PLEC: variants seen among roughly 807,000 people sequenced by gnomAD.
PLEC encodes plectin.
Under a neutral mutation model 392.8 loss-of-function variants are expected in PLEC, and 216 were observed. The observed-to-expected ratio is 0.55, with a 90% CI of 0.49 to 0.62. The LOEUF (loss-of-function observed/expected upper bound fraction) is 0.62. Among genes scored for constraint, PLEC ranks in the 20% least tolerant of loss-of-function variants. The pLI, the probability that PLEC is intolerant of heterozygous loss-of-function variation, is 0.00. For synonymous variants in PLEC, 3,621 were observed against 2,980.6 expected, an observed-to-expected ratio of 1.21 and a Z score of -7.00; for missense variants, 6,863 against 6,563.4, an observed-to-expected ratio of 1.05 and a Z score of -1.58.
intron 3 of PLEC, chr8:143,937,900 C>T (rs1829476849): frequency 9.4e-6 from 6 of 638,194 alleles, no homozygotes; most frequent in East Asian, 2.9e-5. Context: ...ACGCGGAGGG[C>T]GGCAAGGCCC....
upstream of PLEC, chr8:143,954,001 G>A: frequency 9.0e-7 from 1 of 1,111,512 alleles, no homozygotes; most frequent in Middle Eastern, 3.2e-4. This position sits in a 1 kb window ranked among gnomAD's most constrained non-coding sequence, Gnocchi z 4.6. Context: ...TCTGGGGCAC[G>A]CGACCCCGCT....
upstream of PLEC, chr8:143,953,979 C>CA: frequency 7.8e-7 from 1 of 1,280,316 alleles, no homozygotes; most frequent in Non-Finnish European, 1.0e-6. Context: ...CCCCTCCCCC[C>CA]CAGCCTGTGG....
intron 1 of PLEC, among the ~76,000 whole-genome samples, chr8:143,970,364 G>A (rs551451543): frequency 3.3e-5 from 5 of 152,152 alleles, no homozygotes; most frequent in South Asian, 2.1e-4. Context: ...ACACCTCTGG[G>A]TTCAGGCTCC....
rs782595087 is a variant in PLEC, at chr8:143,919,243, C to T, written c.10578G>A (p.Leu3526=). 3.7e-6 allele frequency: 6 copies of T among 1,613,832 alleles called. No individual in the cohort carries two copies. The African/African-American group carries it at 5.3e-5, about 14-fold the overall frequency. Residue 3526 remains leucine (L), a synonymous_variant, in exon 32 of 32, where the codon CTG becomes CTA. Transcript: ENST00000345136. ...CGGGGTCCTCCACGCACCGCTCCAG[C>T]AGCTGCCTGTACGTGAGGTTCTCAT... ...NTHENLTYRQ[L]LERCVEDPET...
Position 143,918,951 on chromosome 8 carries a change from C to T in PLEC, c.10870G>A (p.Glu3624Lys), listed in dbSNP as rs554393133. 4.8e-5 allele frequency: 78 copies of T among 1,610,724 alleles called. No homozygotes were observed. The Admixed American group carries it at 8.2e-4, about 17-fold the overall frequency. ...ATGATCTCTGTCTTCTCAATGATCT[C>T]GATGATGATGATGATCATGCGTTCC... Reference protein sequence around the residue: ...TKERMIIIIIEIIEKTEIIRQ... With the variant: ...TKERMIIIIIKIIEKTEIIRQ... The change falls in exon 32 of 32, where the codon GAG becomes AAG. Residue 3624 changes from glutamate (E) to lysine (K), a missense_variant. By Grantham distance (56) the Glu-to-Lys change is moderately conservative. Transcript: ENST00000345136.
chr8:143,917,045 C>A lies in PLEC; in HGVS notation c.12776G>T (p.Ser4259Ile). Residue 4259 changes from serine (S) to isoleucine (I), a missense_variant, in exon 32 of 32, where the codon AGC becomes ATC. Coordinates refer to ENST00000345136, the MANE Select transcript of PLEC (RefSeq NM_201384.3). ...CAGCTGGGTCCTGGAGACGGCGGGG[C>A]TGATGGGGTAGGAGGAGGAGGATCC... ...SVGSSSSYPISPAVSRTQLAS... is the reference protein window; with the variant it reads ...SVGSSSSYPIIPAVSRTQLAS... The A allele has an allele frequency of 6.2e-7, 1 of 1,610,134 alleles. No individual in the cohort carries two copies. The highest frequency in any genetic ancestry group is 2.2e-5 in the East Asian group (1 of 44,766).
chr8:143,937,787 G>C (rs1201788215), intron 3 of PLEC: 8 of 517,384 alleles, frequency 1.5e-5, no homozygotes, highest in Non-Finnish European at 2.6e-5. Flanking sequence ...TCCCTCGGCT[G>C]CCCGGCCAGA....
intron 1 of PLEC, 96 bp downstream of exon 1, chr8:143,939,254 C>G (rs1432995703): frequency 2.7e-6 from 4 of 1,495,392 alleles, no homozygotes; most frequent in Non-Finnish European, 3.6e-6. Context: ...GACCAGCCCC[C>G]CAGCGGTGCC....
At position 143,917,913 on chromosome 8, in the gene PLEC, G is replaced by A; in HGVS notation, c.11908C>T (p.Gln3970Ter). The stretch of plus-strand genomic sequence containing the variant: ...TCGATGACGTAACCGGTGGCCGCCT[G>A]CGCCTCCAGGAGCTCAAAGGCTGTG... ...PGTAFELLEAQAATGYVIDPI... is the reference protein window; with the variant it reads ...PGTAFELLEA Residue 3970 changes from glutamine (Q) to a stop codon, truncating the protein, a stop_gained, in exon 32 of 32, where the codon CAG becomes TAG. Coordinates refer to ENST00000345136, the MANE Select transcript of PLEC (RefSeq NM_201384.3). LOFTEE classifies it high-confidence loss of function. 1 of 1,613,114 alleles carries A rather than the reference G, an allele frequency of 6.2e-7. No individual in the cohort carries two copies. Among genetic ancestry groups the A allele is most frequent in the Non-Finnish European group, 8.5e-7 (1 of 1,179,992 alleles).
At chr8:143,953,996 G>T, upstream of PLEC, 3 of 1,170,094 alleles carry the variant, frequency 2.6e-6, no homozygotes, top group Non-Finnish European at 3.4e-6. Context: ...GTGGTTCTGG[G>T]GCACGCGACC....
In PLEC at chr8:143,927,478, G is replaced by C; in HGVS notation, c.3688C>G (p.Gln1230Glu). ...GAWLQDARRR[Q>E]EQIQAMPLAD... ...AGCGGCATGGCCTGGATCTGCTCCT[G>C]CCGCCGCCTGGCGTCCTGCAGCCAG... Residue 1230 changes from glutamine (Q) to glutamate (E), a missense_variant, in exon 27 of 32, where the codon CAG becomes GAG. By Grantham distance (29) the Gln-to-Glu change is conservative. Transcript: ENST00000345136. 1 of 1,597,010 alleles carries C rather than the reference G, an allele frequency of 6.3e-7. No individual in the cohort carries two copies. Among genetic ancestry groups the C allele is most frequent in the South Asian group, 1.1e-5 (1 of 90,904 alleles).
chr8:143,976,396 G>A (rs1449099667), upstream of PLEC, among the ~76,000 whole-genome samples: 1 of 152,154 alleles, frequency 6.6e-6, no homozygotes, highest in African/African-American at 2.4e-5. Context: ...GGACACCGAG[G>A]AGGGGGCCGC....
chr8:143,946,607 G>C, intron 1 of PLEC: 1 of 318,850 alleles, frequency 3.1e-6, no homozygotes, highest in South Asian at 2.3e-5. Flanking sequence ...GCAGGGGACT[G>C]GCCTGCCTGC....
rs563146649 is a variant in PLEC at position 143,919,174 on chromosome 8, A to G, written c.10647T>C (p.Ala3549=). ...RLLPLKGAEK[A]EVVETTQVYT... ...ACACCTGCGTGGTCTCCACCACCTC[A>G]GCCTTCTCCGCCCCTTTCAGTGGCA... The change falls in exon 32 of 32, where the codon GCT becomes GCC. Residue 3549 remains alanine, a synonymous_variant. Transcript: ENST00000345136. 4 of 1,613,362 alleles carry G rather than the reference A, an allele frequency of 2.5e-6. No homozygotes were observed. Among genetic ancestry groups the G allele is most frequent in the Non-Finnish European group, 3.4e-6 (4 of 1,179,960 alleles).
At chr8:143,928,932 C>A (rs1355493586) in intron 25 of PLEC, among the ~76,000 whole-genome samples, 171 bp downstream of exon 25, 1 of 152,200 alleles carries the variant, frequency 6.6e-6, no homozygotes, top group Non-Finnish European at 1.5e-5. Context: ...CAGCCCTGAA[C>A]TCTTCTCACC....
Position 143,932,726 on chromosome 8 carries a change from G to A in PLEC, c.1738-14C>T, listed in dbSNP as rs1554717965. The A allele has an allele frequency of 6.2e-7, 1 of 1,607,442 alleles. No homozygotes were observed. The highest frequency in any genetic ancestry group is 8.5e-7 in the Non-Finnish European group (1 of 1,177,750). On this transcript the variant is annotated splice_polypyrimidine_tract_variant and intron_variant, in intron 14 of 31. Coordinates refer to ENST00000345136, the MANE Select transcript of PLEC (RefSeq NM_201384.3). ...GGAGAGCTGGCCCTGCAACAGATGAGACGGTGAGGTCTGCAGTGGCTGGGC... is the reference window on the plus strand; with the variant it reads ...GGAGAGCTGGCCCTGCAACAGATGAAACGGTGAGGTCTGCAGTGGCTGGGC...
chr8:143,959,152 G>A (rs1050380208), intron 1 of PLEC, among the ~76,000 whole-genome samples: 3 of 152,190 alleles, frequency 2.0e-5, no homozygotes, highest in Non-Finnish European at 4.4e-5. Context: ...CGGTGCAGGC[G>A]CAGCTCTCGG....
rs782221908 is a variant in PLEC, at chr8:143,932,948, G to A, written c.1582C>T (p.Leu528=). Residue 528 remains leucine, a synonymous_variant, in exon 14 of 32, where the codon CTG becomes TTG. Coordinates refer to ENST00000345136, the MANE Select transcript of PLEC (RefSeq NM_201384.3). Reference sequence around the variant, plus strand: ...TGGTTCTCCTCCACCCAGGCCAGCAGGTCCTGCAGGTAGCGCAGAGTGGAG... The same window carrying A: ...TGGTTCTCCTCCACCCAGGCCAGCAAGTCCTGCAGGTAGCGCAGAGTGGAG... ...EDSTLRYLQD[L]LAWVEENQHR... is the part of the protein sequence containing the mutation. The A allele has an allele frequency of 6.2e-7, 1 of 1,612,676 alleles. No individual in the cohort carries two copies. The highest frequency in any genetic ancestry group is 1.1e-5 in the South Asian group (1 of 91,074).
chr8:143,943,958 C>G, upstream of PLEC: 1 of 1,567,122 alleles, frequency 6.4e-7, no homozygotes, highest in South Asian at 1.1e-5. Flanking sequence ...GGCTAGACAG[C>G]CCCCTCCCTG....
Sources: gnomAD v4.1 joint callset for allele counts (sites outside exome capture counted in the v4.1 genomes callset) on GRCh38, gnomAD v4.1.1 for gene constraint, Gnocchi (gnomAD v3.1) non-coding constraint, MANE v1.5 for transcripts, NCBI Gene and HGNC (gene_info 2026-07-23, HGNC 2026-07-21) for gene names.